CNTNAP5: variants seen among roughly 807,000 people sequenced by gnomAD.
CNTNAP5 encodes the protein contactin associated protein family member 5.
Under a neutral mutation model 150.2 loss-of-function variants are expected in CNTNAP5, and 72 were observed. The ratio of observed to expected loss-of-function variants is 0.48; its 90% CI spans 0.40 to 0.58. CNTNAP5 has a LOEUF of 0.58. CNTNAP5 is among the 20% of genes least tolerant of loss of function. The probability of loss-of-function intolerance (pLI) is 0.00; values close to 1 mark genes in which losing one functional copy is unlikely to be tolerated. For synonymous variants in CNTNAP5, 672 were observed against 619.8 expected, an observed-to-expected ratio of 1.08 and a Z score of -1.25; for missense variants, 1,636 against 1,626.2, an observed-to-expected ratio of 1.01 and a Z score of -0.10.
intron 10 of CNTNAP5, among the ~76,000 whole-genome samples, chr2:124,535,238 T>C (rs929490691): frequency 1.3e-5 from 2 of 152,068 alleles, no homozygotes; most frequent in Non-Finnish European, 2.9e-5. Flanking sequence ...CAGGAGGAAA[T>C]GGAGGCCACA....
chr2:124,730,835 C>T (rs909715657), intron 13 of CNTNAP5, among the ~76,000 whole-genome samples: 1 of 151,938 alleles, frequency 6.6e-6, no homozygotes, highest in African/African-American at 2.4e-5. Flanking sequence ...GTTATATACC[C>T]TGTAAATAAT....
chr2:124,153,494 G>C (rs1684451668), intron 1 of CNTNAP5, among the ~76,000 whole-genome samples: 1 of 151,552 alleles, frequency 6.6e-6, no homozygotes, highest in African/African-American at 2.4e-5. Context: ...CCAATATCAA[G>C]ATACTGGCAG....
chr2:124,692,363 C>G (rs1212720768), intron 13 of CNTNAP5, among the ~76,000 whole-genome samples: 1 of 152,144 alleles, frequency 6.6e-6, no homozygotes, highest in Non-Finnish European at 1.5e-5. Flanking sequence ...TTTTGCACTA[C>G]TGAGGGGAGT....
At chr2:124,420,714 C>T (rs1321875241) in intron 4 of CNTNAP5, among the ~76,000 whole-genome samples, 1 of 152,158 alleles carries the variant, frequency 6.6e-6, no homozygotes, top group Non-Finnish European at 1.5e-5. Flanking sequence ...GACGAAAATT[C>T]ACCTGTGGAC....
intron 18 of CNTNAP5, among the ~76,000 whole-genome samples, chr2:124,793,570 T>G (rs904262866): frequency 6.6e-6 from 1 of 152,188 alleles, no homozygotes; most frequent in Non-Finnish European, 1.5e-5. Context: ...CTTTTTTATT[T>G]ATACATTTAG....
chr2:124,315,000 G>A, intron 3 of CNTNAP5, among the ~76,000 whole-genome samples: 1 of 139,518 alleles, frequency 7.2e-6, no homozygotes. Flanking sequence ...TTTTTTTTTT[G>A]ATGGGGTGTT....
intron 3 of CNTNAP5, among the ~76,000 whole-genome samples, chr2:124,347,822 T>C (rs1160175007): frequency 6.9e-6 from 1 of 144,596 alleles, no homozygotes; most frequent in Admixed American, 7.1e-5. Context: ...GTGTGTCTCC[T>C]TGACAATTTT....
intron 12 of CNTNAP5, among the ~76,000 whole-genome samples, chr2:124,610,859 A>G (rs1573495642): frequency 6.6e-6 from 1 of 151,742 alleles, no homozygotes. Context: ...CCCGAGGCTG[A>G]GGCACGAGAC....
At chr2:124,287,926 A>C (rs1405533415) in intron 3 of CNTNAP5, among the ~76,000 whole-genome samples, 1 of 152,060 alleles carries the variant, frequency 6.6e-6, no homozygotes, top group African/African-American at 2.4e-5. Flanking sequence ...TTGATGTTTG[A>C]TGTTAGTTTG....
intron 19 of CNTNAP5, among the ~76,000 whole-genome samples, chr2:124,816,578 AGT>A (rs1202090030): frequency 1.3e-5 from 2 of 150,474 alleles, no homozygotes; most frequent in East Asian, 3.9e-4. Flanking sequence ...CTGGGGTTCA[AGT>A]GATTCTTCTG....
chr2:124,564,468 G>A (rs1464001426), intron 11 of CNTNAP5, among the ~76,000 whole-genome samples: 1 of 152,126 alleles, frequency 6.6e-6, no homozygotes, highest in Non-Finnish European at 1.5e-5. Context: ...TGATTCTCCT[G>A]CCTCAGCCTC....
rs57727832 is a variant in CNTNAP5 at position 124,685,759 on chromosome 2, TGTGCGC to T, written c.2077+37803_2077+37808del. 5.1e-3 allele frequency among the ~76,000 whole-genome samples: 653 copies of T among 127,618 alleles called. 6 individuals are homozygous for T. Among genetic ancestry groups the T allele is most frequent in the African/African-American group, 0.018 (634 of 35,194 alleles). 83.7% of individuals were successfully genotyped at this position (127,618 alleles called of 152,430 possible). A position where few individuals can be genotyped will look rare whatever the true frequency, so the allele number is the denominator to read the frequency against. ...AAGTAAGTGTGTGTGTGTGTGTGTG[TGTGCGC>T]GCGCGTGTTATTGAGCATTCCTGTG... On this transcript the variant is annotated intron_variant, in intron 13 of 23. Coordinates refer to ENST00000682447, the MANE Select transcript of CNTNAP5 (RefSeq NM_001367498.1).
chr2:124,352,842 A>G (rs946601821), intron 3 of CNTNAP5, among the ~76,000 whole-genome samples: 1 of 152,192 alleles, frequency 6.6e-6, no homozygotes, highest in African/African-American at 2.4e-5. Context: ...CTGAAAATCC[A>G]TGAATTGACC....
chr2:124,618,278 G>A (rs746823644), intron 12 of CNTNAP5, among the ~76,000 whole-genome samples: 6 of 152,046 alleles, frequency 3.9e-5, no homozygotes, highest in African/African-American at 1.5e-4. Context: ...AAAAAAAGAT[G>A]AGCAACAGAC....
chr2:124,369,728 G>A (rs1338335533), intron 3 of CNTNAP5, among the ~76,000 whole-genome samples: 2 of 152,092 alleles, frequency 1.3e-5, no homozygotes, highest in African/African-American at 4.8e-5. Flanking sequence ...CTCAAAAAAT[G>A]GTATGTATGC....
chr2:124,670,783 A>C (rs1056233442), intron 13 of CNTNAP5, among the ~76,000 whole-genome samples: 3 of 152,184 alleles, frequency 2.0e-5, no homozygotes, highest in African/African-American at 7.2e-5. Context: ...ATTCCGTATA[A>C]ATAGAACCTT....
chr2:124,065,396 G>T (rs908170007), intron 1 of CNTNAP5, among the ~76,000 whole-genome samples: 3 of 152,150 alleles, frequency 2.0e-5, no homozygotes, highest in Non-Finnish European at 4.4e-5. Flanking sequence ...AATTGGTCTG[G>T]CCAGTTTTCT....
At chr2:124,195,201 G>A (rs865865395) in intron 1 of CNTNAP5, among the ~76,000 whole-genome samples, 2 of 152,162 alleles carry the variant, frequency 1.3e-5, no homozygotes, top group South Asian at 2.1e-4. Context: ...TGGTATGGCC[G>A]GGTGTGGCCA....
At chr2:124,399,542 C>T (rs1445754235) in intron 3 of CNTNAP5, among the ~76,000 whole-genome samples, 1 of 151,788 alleles carries the variant, frequency 6.6e-6, no homozygotes, top group African/African-American at 2.4e-5. Context: ...CTGGAAAGCT[C>T]TGGGGAGGAA....
Sources: allele counts gnomAD v4.1 joint callset (sites outside exome capture counted in the v4.1 genomes callset), GRCh38; gene constraint gnomAD v4.1.1; transcripts MANE v1.5; gene names NCBI Gene and HGNC (gene_info 2026-07-23, HGNC 2026-07-21).